CPSF4: variants seen among roughly 807,000 people sequenced by gnomAD.
CPSF4 encodes the protein cleavage and polyadenylation specific factor 4.
CPSF4 carries 11 observed loss-of-function variants against 37.7 expected under a neutral mutation model. That is an observed-to-expected ratio of 0.29 (90% CI 0.18 to 0.48). The LOEUF is 0.48. CPSF4 is among the 20% of genes least tolerant of loss of function. The pLI, the probability that CPSF4 is intolerant of heterozygous loss-of-function variation, is 0.99. For synonymous variants in CPSF4, 132 were observed against 135.9 expected (o/e 0.97, Z 0.20); for missense variants, 144 against 359.5 (o/e 0.40, Z 4.85).
In CPSF4 at chr7:99,444,767, T is replaced by C. The variant is rs780601360; in HGVS notation, c.104-22T>C. On this transcript the variant is annotated intron_variant, in intron 1 of 7. Coordinates refer to ENST00000292476, the MANE Select transcript of CPSF4 (RefSeq NM_006693.4). ...GCAAATTGCACCTCTTTGATTCCTC[T>C]CCTTTTCTCTCCTTTCTACAGAGTC... is the stretch of plus-strand genomic sequence containing the variant. The C allele has an allele frequency of 1.5e-5, 24 of 1,611,188 alleles. No homozygotes were observed. In the African/African-American group the frequency reaches 2.8e-4, roughly 19 times the overall value.
At position 99,450,359 on chromosome 7, in the gene CPSF4, T is replaced by G. The variant is rs2151004916; in HGVS notation, c.391T>G (p.Phe131Val). The G allele has an allele frequency of 3.1e-6, 5 of 1,612,634 alleles. No individual in the cohort carries two copies. Among genetic ancestry groups the G allele is most frequent in the Non-Finnish European group, 4.2e-6 (5 of 1,179,008 alleles). Residue 131 changes from phenylalanine to valine, a missense_variant, in exon 4 of 8, where the codon TTC (phenylalanine) becomes GTC (valine). Coordinates refer to ENST00000292476, the MANE Select transcript of CPSF4 (RefSeq NM_006693.4). ...IKDCPWYDRG[F>V]CKHGPLCRHR... is the part of the protein sequence containing the mutation. ...GGACTGTCCTTGGTATGACCGTGGC[T>G]TCTGCAAGCACGGTAGGTGCCAGGG... is the stretch of plus-strand genomic sequence containing the variant.
At chr7:99,441,202 C>T (rs967365804) in intron 1 of CPSF4, among the ~76,000 whole-genome samples, 4 of 152,110 alleles carry the variant, frequency 2.6e-5, no homozygotes, top group Admixed American at 6.6e-5. Context: ...CCACCTGCCT[C>T]GGCCTCCCAA....
Position 99,450,856 on chromosome 7 carries a change from G to A in CPSF4, c.497+61G>A, listed in dbSNP as rs375861257. ...CCCGGCCCAGGCCCTGCTGCCCTCC[G>A]TATCTTCCCTGGGCCAACTGGGCCT... is the stretch of plus-strand genomic sequence containing the variant. On this transcript the variant is annotated intron_variant, in intron 5 of 7. Transcript: ENST00000292476. The A allele has an allele frequency of 1.1e-4, 145 of 1,287,062 alleles. 2 individuals are homozygous for A. Among genetic ancestry groups the A allele is most frequent in the East Asian group, 8.1e-4 (35 of 43,066 alleles). The allele number at this position is 1,287,062 out of a possible 1,614,324, so 79.7% of individuals were successfully genotyped here.
chr7:99,443,359 C>G, intron 1 of CPSF4: 1 of 1,259,912 alleles, frequency 7.9e-7, no homozygotes, highest in East Asian at 2.3e-5. Flanking sequence ...GCCTCCTCTT[C>G]AGCATGTTCT....
intron 6 of CPSF4, chr7:99,452,657 C>A: frequency 1.8e-6 from 1 of 559,640 alleles, no homozygotes. Context: ...CAAGGCCAAG[C>A]GCAGCAGCAG....
chr7:99,446,642 C>CT (rs1003188634), intron 2 of CPSF4, among the ~76,000 whole-genome samples: 2 of 150,652 alleles, frequency 1.3e-5, no homozygotes, highest in African/African-American at 4.9e-5. Flanking sequence ...GCATCTTACT[C>CT]TGTCACCCAG....
chr7:99,452,167 G>A (rs144991532), intron 5 of CPSF4, among the ~76,000 whole-genome samples: 2,049 of 152,226 alleles, frequency 0.013, 22 homozygotes, highest in Non-Finnish European at 0.019. Flanking sequence ...TGTTCTCCCC[G>A]CCACTCCTGT....
intron 7 of CPSF4, among the ~76,000 whole-genome samples, chr7:99,454,853 C>A (rs1321376516): frequency 6.6e-6 from 1 of 152,164 alleles, no homozygotes. Flanking sequence ...AAGGCGCACA[C>A]AATTCCTACA....
In CPSF4 at chr7:99,450,728, C is replaced by A; in HGVS notation, c.430C>A (p.Arg144=). The change falls in exon 5 of 8, where the codon CGG becomes AGG. Residue 144 remains arginine, a synonymous_variant. Coordinates refer to ENST00000292476, the MANE Select transcript of CPSF4 (RefSeq NM_006693.4). ...HGPLCRHRHT[R]RVICVNYLVG... Reference sequence around the variant, plus strand: ...TCCCCTCTGCAGGCACCGGCACACACGGAGAGTCATCTGTGTGAATTACCT... The same window carrying A: ...TCCCCTCTGCAGGCACCGGCACACAAGGAGAGTCATCTGTGTGAATTACCT... The A allele has an allele frequency of 6.2e-7, 1 of 1,614,118 alleles. No individual in the cohort carries two copies. The highest frequency in any genetic ancestry group is 8.5e-7 in the Non-Finnish European group (1 of 1,179,954).
At chr7:99,439,761 G>A (rs1343718042) in intron 1 of CPSF4, among the ~76,000 whole-genome samples, 4 of 152,094 alleles carry the variant, frequency 2.6e-5, no homozygotes, top group African/African-American at 7.2e-5. Context: ...AAAACTAGGC[G>A]GTTGGAGGAG....
chr7:99,453,903 C>A lies in CPSF4; in HGVS notation c.571-63C>A, dbSNP rs1798107903. 5 of 1,514,150 alleles carry A rather than the reference C, an allele frequency of 3.3e-6. No individual in the cohort carries two copies. In the South Asian group the frequency reaches 5.9e-5, roughly 18 times the overall value. 93.8% of individuals were successfully genotyped at this position (1,514,150 alleles called of 1,614,324 possible). ...GAGTCCCGCCCTCTTTTTTCCTGTCCCCATCGGTAGTCTGCGTGCACGTGT... is the reference window on the plus strand; with the variant it reads ...GAGTCCCGCCCTCTTTTTTCCTGTCACCATCGGTAGTCTGCGTGCACGTGT... On this transcript the variant is annotated intron_variant, in intron 6 of 7. Coordinates refer to ENST00000292476, the MANE Select transcript of CPSF4 (RefSeq NM_006693.4). The surrounding 1 kb of genome is among the most constrained non-coding windows in gnomAD (Gnocchi z 4.7).
chr7:99,451,114 C>T (rs1797901988), intron 5 of CPSF4: 2 of 241,154 alleles, frequency 8.3e-6, no homozygotes, highest in Non-Finnish European at 1.6e-5. Context: ...AGTTAAGAAC[C>T]TGTGCCCTAA....
chr7:99,441,170 T>C (rs1336628341), intron 1 of CPSF4, among the ~76,000 whole-genome samples: 1 of 151,968 alleles, frequency 6.6e-6, no homozygotes. Context: ...AGGCTGGTCT[T>C]GAACTCCTGA....
Position 99,448,643 on chromosome 7 carries a change from ATCAC to A in CPSF4, c.307+373_307+376del, listed in dbSNP as rs927131156. Reference sequence around the variant, plus strand: ...TGCTTCAGTGTTTGGAGCTCTTTCAATCACTCGGATTTGAGGCTAACGAGGGTGA... The same window carrying A: ...TGCTTCAGTGTTTGGAGCTCTTTCAATCGGATTTGAGGCTAACGAGGGTGA... On this transcript the variant is annotated intron_variant, in intron 3 of 7. Transcript: ENST00000292476. The surrounding 1 kb of genome is among the most constrained non-coding windows in gnomAD (Gnocchi z 4.4). 2.7e-4 allele frequency: 46 copies of A among 168,006 alleles called. No individual in the cohort carries two copies. Among genetic ancestry groups the A allele is most frequent in the Non-Finnish European group, 5.0e-4 (39 of 78,088 alleles). 10.4% of individuals were successfully genotyped at this position (168,006 alleles called of 1,614,324 possible).
chr7:99,444,819 T>C lies in CPSF4; in HGVS notation c.134T>C (p.Leu45Ser), dbSNP rs774475029. ...KSGAAVCEFFLKAACGKGGMC... is the reference protein window; with the variant it reads ...KSGAAVCEFFSKAACGKGGMC... ...GGCGCTGCTGTCTGTGAATTCTTTT[T>C]GAAAGCTGCCTGCGGCAAAGGTAAG... is the stretch of plus-strand genomic sequence containing the variant. The change falls in exon 2 of 8, where the codon TTG (leucine) becomes TCG (serine). Residue 45 changes from leucine (L) to serine (S), a missense_variant. Physicochemically the swap from Leu to Ser is moderately radical, Grantham distance 145 (BLOSUM62 -2). Around this residue, in one of 4 missense-constraint regions of CPSF4, gnomAD observed 42 missense variants for 86.4 expected, o/e 0.49. Coordinates refer to ENST00000292476, the MANE Select transcript of CPSF4 (RefSeq NM_006693.4). The C allele has an allele frequency of 2.2e-5, 36 of 1,613,764 alleles. No individual in the cohort carries two copies. The highest frequency in any genetic ancestry group is 4.0e-5 in the African/African-American group (3 of 74,946).
intron 1 of CPSF4, chr7:99,439,742 G>C (rs1796715763): frequency 6.6e-6 from 1 of 152,194 alleles, no homozygotes; most frequent in Admixed American, 6.6e-5. Flanking sequence ...GTCTCTTCTT[G>C]ATTTCATCAA....
chr7:99,440,363 G>T (rs1371816002), intron 1 of CPSF4, among the ~76,000 whole-genome samples: 2 of 151,870 alleles, frequency 1.3e-5, no homozygotes, highest in Admixed American at 6.6e-5. Context: ...TTGTTTGTTT[G>T]CTTTTGAGAC....
chr7:99,441,620 C>A (rs1371382201), intron 1 of CPSF4: 59 of 434,612 alleles, frequency 1.4e-4, no homozygotes, highest in Admixed American at 4.8e-5. Flanking sequence ...AGACTCAGTT[C>A]CCAGAACTGT....
intron 2 of CPSF4, among the ~76,000 whole-genome samples, chr7:99,445,712 C>T (rs1431376042): frequency 1.3e-5 from 2 of 152,050 alleles, no homozygotes; most frequent in African/African-American, 4.8e-5. Context: ...GGTGAAACAT[C>T]GTCTCTACTA....
Sources: gnomAD v4.1 joint callset for allele counts (sites outside exome capture counted in the v4.1 genomes callset) on GRCh38, gnomAD v4.1.1 for gene constraint, gnomAD v4.1.1 regional missense constraint, Gnocchi (gnomAD v3.1) non-coding constraint, MANE v1.5 for transcripts, NCBI Gene and HGNC (gene_info 2026-07-23, HGNC 2026-07-21) for gene names.